GALNT16: variants seen among roughly 807,000 people sequenced by gnomAD.
GALNT16 encodes the protein polypeptide N-acetylgalactosaminyltransferase 16, also known as UDP-GalNAc:polypeptide N-acetylgalactosaminyltransferase-like protein 1.
A neutral mutation model predicts 76.1 loss-of-function variants in GALNT16; 40 were observed. The ratio of observed to expected loss-of-function variants is 0.53; its 90% CI spans 0.41 to 0.68. GALNT16 has a LOEUF of 0.68. Among genes scored for constraint, GALNT16 ranks in the 30% least tolerant of loss-of-function variants. The probability of loss-of-function intolerance (pLI) is 0.00; values close to 1 mark genes in which losing one functional copy is unlikely to be tolerated. For synonymous variants in GALNT16, 276 were observed against 285.2 expected, an observed-to-expected ratio of 0.97 and a Z score of 0.32; for missense variants, 621 against 731.9, an observed-to-expected ratio of 0.85 and a Z score of 1.75.
chr14:69,350,401 T>G (rs780105837), intron 14 of GALNT16: 4 of 152,246 alleles, frequency 2.6e-5, no homozygotes, highest in Non-Finnish European at 5.9e-5. Context: ...CACGACTCCC[T>G]GGGGTGAGGA....
At chr14:69,377,901 T>C in the GALNT16 span, among the ~76,000 whole-genome samples, 10 of 151,686 alleles carry the variant, frequency 6.6e-5, no homozygotes, top group Admixed American at 6.6e-4. Context: ...TCAATCCTGA[T>C]TTTCATTCCA....
chr14:69,301,449 G>T (rs771590422), intron 1 of GALNT16, among the ~76,000 whole-genome samples: 7 of 152,088 alleles, frequency 4.6e-5, no homozygotes, highest in African/African-American at 1.7e-4. Context: ...CACCTCCTGG[G>T]TTCAAGTGAT....
At chr14:69,351,400 T>G (rs1310010792) in intron 14 of GALNT16, 1 of 152,184 alleles carries the variant, frequency 6.6e-6, no homozygotes, top group African/African-American at 2.4e-5. Flanking sequence ...GTCCAATAAC[T>G]ACATAGAAGC....
intron 1 of GALNT16, among the ~76,000 whole-genome samples, chr14:69,277,202 A>C (rs1219900625): frequency 6.6e-6 from 1 of 152,174 alleles, no homozygotes; most frequent in African/African-American, 2.4e-5. Flanking sequence ...AAAGACAAAA[A>C]GCCTTTATTA....
intron 5 of GALNT16, among the ~76,000 whole-genome samples, chr14:69,326,325 T>C (rs1421833268): frequency 6.6e-6 from 1 of 152,208 alleles, no homozygotes; most frequent in Non-Finnish European, 1.5e-5. Context: ...ACAGGCTGTG[T>C]GGAAAGGCTT....
At chr14:69,283,924 TC>T (rs1298261071) in intron 1 of GALNT16, among the ~76,000 whole-genome samples, 1 of 152,204 alleles carries the variant, frequency 6.6e-6, no homozygotes, top group Non-Finnish European at 1.5e-5. Context: ...AACAAGACAT[TC>T]TAGCTCCTGT....
chr14:69,384,540 G>C, the GALNT16 span, among the ~76,000 whole-genome samples: 1 of 152,130 alleles, frequency 6.6e-6, no homozygotes, highest in East Asian at 1.9e-4. Context: ...CTGGGAGTAA[G>C]TATGACATCC....
chr14:69,294,381 C>G (rs1284764680), intron 1 of GALNT16, among the ~76,000 whole-genome samples: 2 of 152,224 alleles, frequency 1.3e-5, no homozygotes, highest in African/African-American at 2.4e-5. Flanking sequence ...TTTGGCCTCC[C>G]AAAGTGCTGG....
At chr14:69,260,553 C>A in intron 1 of GALNT16, 86 bp downstream of exon 1, 1 of 992,756 alleles carries the variant, frequency 1.0e-6, no homozygotes, top group East Asian at 3.7e-5. Context: ...GCGCGGGGCC[C>A]GGCCAGGGCT....
At chr14:69,296,578 A>G (rs1566869024) in intron 1 of GALNT16, among the ~76,000 whole-genome samples, 1 of 152,132 alleles carries the variant, frequency 6.6e-6, no homozygotes, top group Non-Finnish European at 1.5e-5. Context: ...CTGTAGTCCC[A>G]GCTACTCAGG....
the GALNT16 span, among the ~76,000 whole-genome samples, chr14:69,363,354 C>T: frequency 6.6e-6 from 1 of 152,156 alleles, no homozygotes; most frequent in Non-Finnish European, 1.5e-5. Context: ...GCCCAGGATT[C>T]GGTCTGCCCA....
chr14:69,264,000 T>G (rs2044308821), intron 1 of GALNT16, among the ~76,000 whole-genome samples: 1 of 152,204 alleles, frequency 6.6e-6, no homozygotes, highest in Non-Finnish European at 1.5e-5. Flanking sequence ...CAGCCGGCCT[T>G]GAGTCTTCAG....
At chr14:69,330,762 G>T (rs187843317) in intron 6 of GALNT16, among the ~76,000 whole-genome samples, 31 of 152,274 alleles carry the variant, frequency 2.0e-4, no homozygotes, top group African/African-American at 7.5e-4. Context: ...AGATGAGAAG[G>T]CTCATGAAGG....
chr14:69,305,733 A>G (rs768006809), intron 1 of GALNT16, among the ~76,000 whole-genome samples: 2 of 151,958 alleles, frequency 1.3e-5, no homozygotes, highest in African/African-American at 2.4e-5. Flanking sequence ...CACTCTGTTG[A>G]TTGTGTCCGT....
intron 2 of GALNT16, 42 bp downstream of exon 2, chr14:69,320,910 G>C (rs577488161): frequency 6.3e-7 from 1 of 1,579,166 alleles, no homozygotes; most frequent in Admixed American, 1.7e-5. Flanking sequence ...AAGACTGAGA[G>C]AAAGCCAACA....
At chr14:69,282,080 A>G (rs937423144) in intron 1 of GALNT16, among the ~76,000 whole-genome samples, 1 of 152,256 alleles carries the variant, frequency 6.6e-6, no homozygotes, top group Non-Finnish European at 1.5e-5. Context: ...TGTCTGCACT[A>G]GCTGGGCTTT....
intron 1 of GALNT16, among the ~76,000 whole-genome samples, chr14:69,274,437 A>G (rs1191717927): frequency 6.6e-6 from 1 of 152,152 alleles, no homozygotes; most frequent in African/African-American, 2.4e-5. Flanking sequence ...GGGTTTTCTC[A>G]TGTGGTTGCA....
Position 69,328,474 on chromosome 14 carries a change from G to T in GALNT16, c.593G>T (p.Gly198Val). 3 of 1,614,064 alleles carry T rather than the reference G, an allele frequency of 1.9e-6. No individual in the cohort carries two copies. The highest frequency in any genetic ancestry group is 2.5e-6 in the Non-Finnish European group (3 of 1,179,980). Residue 198 changes from glycine to valine, a missense_variant, in exon 6 of 15, where the codon GGG becomes GTG. Physicochemically the swap from Gly to Val is moderately radical, Grantham distance 109. Coordinates refer to ENST00000448469, the MANE Select transcript of GALNT16 (RefSeq NM_001168368.2). ...GGGCTGATCCGGTCCCGAGTGCGTG[G>T]GGCGGACGTGGCTGCAGCTACCGTT... Reference protein sequence around the residue: ...REGLIRSRVRGADVAAATVLT... With the variant: ...REGLIRSRVRVADVAAATVLT...
intron 1 of GALNT16, among the ~76,000 whole-genome samples, chr14:69,284,884 C>T (rs2044589937): frequency 6.6e-6 from 1 of 151,936 alleles, no homozygotes; most frequent in African/African-American, 2.4e-5. Flanking sequence ...GCTTTTAACC[C>T]CCTTTGCTCG....
Sources: gnomAD v4.1 joint callset for allele counts (sites outside exome capture counted in the v4.1 genomes callset) on GRCh38, gnomAD v4.1.1 for gene constraint, MANE v1.5 for transcripts, NCBI Gene and HGNC (gene_info 2026-07-23, HGNC 2026-07-21) for gene names.